The following ATRN variants were observed in gnomAD, a reference collection of about 807,000 sequenced individuals.
The protein encoded by ATRN is attractin-2.
A neutral mutation model predicts 178.7 loss-of-function variants in ATRN; 54 were observed. The observed-to-expected ratio is 0.30, with a 90% confidence interval of 0.24 to 0.38. The LOEUF is 0.38. Ranked by LOEUF, ATRN falls within the 10% of genes least tolerant of loss-of-function variation. The probability of loss-of-function intolerance (pLI) is 1.00; values close to 1 mark genes in which losing one functional copy is unlikely to be tolerated. For missense variants in ATRN, 1,443 were observed against 1,815.1 expected (o/e 0.79, Z 3.73); for synonymous variants, 636 against 663.0 (o/e 0.96, Z 0.63).
chr20:3,512,205 C>G (rs1371332853), intron 1 of ATRN, among the ~76,000 whole-genome samples: 1 of 149,780 alleles, frequency 6.7e-6, no homozygotes, highest in Non-Finnish European at 1.5e-5. Flanking sequence ...GTGCTGCACC[C>G]ATTAACTTGT....
chr20:3,629,490 C>G (rs1338233618), intron 25 of ATRN, among the ~76,000 whole-genome samples: 1 of 152,044 alleles, frequency 6.6e-6, no homozygotes, highest in Non-Finnish European at 1.5e-5. Flanking sequence ...CTTGATTTTT[C>G]CAGACAACAA....
chr20:3,623,213 T>C (rs757304615), intron 24 of ATRN, among the ~76,000 whole-genome samples: 1 of 152,222 alleles, frequency 6.6e-6, no homozygotes, highest in East Asian at 1.9e-4. Context: ...GTGAGGACCA[T>C]GGCTCATATT....
At chr20:3,545,733 C>A in intron 3 of ATRN, 29 bp from the exon 4 acceptor site, 1 of 1,610,022 alleles carries the variant, frequency 6.2e-7, no homozygotes, top group East Asian at 2.2e-5. Context: ...CTTGTGCTTC[C>A]CTCTATAAGA....
At chr20:3,533,628 A>C (rs1298701667) in intron 1 of ATRN, among the ~76,000 whole-genome samples, 1 of 152,006 alleles carries the variant, frequency 6.6e-6, no homozygotes, top group Admixed American at 6.6e-5. Flanking sequence ...TGACAGAGCA[A>C]TAGTATAGAA....
intron 1 of ATRN, among the ~76,000 whole-genome samples, chr20:3,472,265 T>C (rs2084441098): frequency 6.6e-6 from 1 of 152,242 alleles, no homozygotes; most frequent in Non-Finnish European, 1.5e-5. Context: ...GCTTCAGTTG[T>C]GCAATGATTT....
chr20:3,566,522 T>C (rs901766926), intron 11 of ATRN, among the ~76,000 whole-genome samples: 3 of 152,250 alleles, frequency 2.0e-5, no homozygotes, highest in Non-Finnish European at 4.4e-5. Context: ...TTAAGCGTTA[T>C]AATGCCTGCA....
rs555623160 is a variant in ATRN at position 3,489,743 on chromosome 20, A to G, written c.410+18226A>G. ...TGCCCAAACACCTCATGCCATGAGCATGATGCTATTCAGCAAAGTGTCACT... is the reference window on the plus strand; with the variant it reads ...TGCCCAAACACCTCATGCCATGAGCGTGATGCTATTCAGCAAAGTGTCACT... On this transcript the variant is annotated intron_variant, in intron 1 of 28. Coordinates refer to ENST00000262919, the MANE Select transcript of ATRN (RefSeq NM_139321.3). The G allele has an allele frequency of 3.3e-6, 5 of 1,535,908 alleles. No homozygotes were observed. In the East Asian group the frequency reaches 9.0e-5, roughly 28 times the overall value.
intron 1 of ATRN, among the ~76,000 whole-genome samples, chr20:3,506,183 A>T (rs2085041448): frequency 6.6e-6 from 1 of 152,226 alleles, no homozygotes; most frequent in Admixed American, 6.5e-5. Context: ...GTAGTTTTTT[A>T]AAATGTTGCC....
intron 1 of ATRN, among the ~76,000 whole-genome samples, chr20:3,505,660 A>G (rs2085033149): frequency 6.6e-6 from 1 of 152,226 alleles, no homozygotes; most frequent in African/African-American, 2.4e-5. Flanking sequence ...TGGACTAAAT[A>G]TACCAATCAA....
intron 6 of ATRN, among the ~76,000 whole-genome samples, chr20:3,553,666 C>T (rs2085820650): frequency 6.6e-6 from 1 of 152,196 alleles, no homozygotes; most frequent in African/African-American, 2.4e-5. Flanking sequence ...CCTGCCCCAC[C>T]AACCTGCTTT....
At chr20:3,500,461 A>C (rs1460133758) in intron 1 of ATRN, among the ~76,000 whole-genome samples, 59 of 151,968 alleles carry the variant, frequency 3.9e-4, no homozygotes, top group Non-Finnish European at 6.3e-4. Context: ...GATAGACTGG[A>C]TTAAGAAAAT....
chr20:3,532,846 T>A (rs1202821704), intron 1 of ATRN, among the ~76,000 whole-genome samples: 1 of 152,004 alleles, frequency 6.6e-6, no homozygotes, highest in Non-Finnish European at 1.5e-5. Flanking sequence ...CACTGCAAGC[T>A]CTGCCTCCTG....
intron 9 of ATRN, 21 bp downstream of exon 9, chr20:3,562,480 T>C: frequency 6.2e-7 from 1 of 1,611,892 alleles, no homozygotes; most frequent in South Asian, 1.1e-5. Context: ...TTTCTTGAGC[T>C]TTCACTTTAA....
chr20:3,482,988 T>G (rs2084642433), intron 1 of ATRN, among the ~76,000 whole-genome samples: 1 of 152,194 alleles, frequency 6.6e-6, no homozygotes. Flanking sequence ...AAAAGTAAAA[T>G]GTTACAGATA....
At position 3,471,319 on chromosome 20, in the gene ATRN, CGCTGCTGCT is replaced by C. The variant is rs772463780; in HGVS notation, c.224_232del (p.Leu75_Leu77del). The C allele has an allele frequency of 5.4e-6, 8 of 1,481,104 alleles. No individual in the cohort carries two copies. The highest frequency in any genetic ancestry group is 7.1e-6 in the Non-Finnish European group (8 of 1,124,622). The allele number at this position is 1,481,104 out of a possible 1,614,324, so 91.7% of individuals were successfully genotyped here. Reference sequence around the variant, plus strand: ...CTGCTGCTGTTGTTGCTCTCGCCGCCGCTGCTGCTGCTGCTGCTGCCCTGTGAGGCCGAG... The same window carrying C: ...CTGCTGCTGTTGTTGCTCTCGCCGCCGCTGCTGCTGCCCTGTGAGGCCGAG... On this transcript the variant is annotated inframe_deletion, in exon 1 of 29. Coordinates refer to ENST00000262919, the MANE Select transcript of ATRN (RefSeq NM_139321.3).
At chr20:3,588,252 A>C (rs575757504) in intron 18 of ATRN, among the ~76,000 whole-genome samples, 3 of 152,286 alleles carry the variant, frequency 2.0e-5, no homozygotes, top group South Asian at 4.2e-4. Flanking sequence ...TTCAGTGTAC[A>C]TCATTGTCTT....
At chr20:3,503,583 A>G (rs1315183627) in intron 1 of ATRN, among the ~76,000 whole-genome samples, 2 of 152,150 alleles carry the variant, frequency 1.3e-5, no homozygotes, top group Non-Finnish European at 2.9e-5. Context: ...GAACTGAAAA[A>G]CAACAGGAAA....
At position 3,644,259 on chromosome 20, in the gene ATRN, G is replaced by A; in HGVS notation, c.4156G>A (p.Gly1386Arg). Reference protein sequence around the residue: ...PRGLGGIPPPGQSGLAVASAL... With the variant: ...PRGLGGIPPPRQSGLAVASAL... ...AGGCCTGGGTGGCATCCCTCCTCCT[G>A]GGCAGTCAGGTGAGTAGATGCGGTC... The change falls in exon 28 of 29, where the codon GGG becomes AGG. Residue 1386 changes from glycine (G) to arginine (R), a missense_variant. Physicochemically the swap from Gly to Arg is moderately radical, Grantham distance 125 (BLOSUM62 -2). Around this residue, in one of 4 missense-constraint regions of ATRN, gnomAD observed 289 missense variants for 440.8 expected, o/e 0.66. Transcript: ENST00000262919. 1 of 1,612,370 alleles carries A rather than the reference G, an allele frequency of 6.2e-7. No homozygotes were observed. The highest frequency in any genetic ancestry group is 8.5e-7 in the Non-Finnish European group (1 of 1,178,436).
At chr20:3,481,051 A>G (rs2084613328) in intron 1 of ATRN, among the ~76,000 whole-genome samples, 1 of 152,120 alleles carries the variant, frequency 6.6e-6, no homozygotes, top group African/African-American at 2.4e-5. Flanking sequence ...GAATTCCCAA[A>G]TGCATTTTGG....
Sources: gnomAD v4.1 joint callset for allele counts (sites outside exome capture counted in the v4.1 genomes callset) on GRCh38, gnomAD v4.1.1 for gene constraint, gnomAD v4.1.1 regional missense constraint, MANE v1.5 for transcripts, NCBI Gene and HGNC (gene_info 2026-07-23, HGNC 2026-07-21) for gene names.